Variants in ZDHHC7 observed in about 807,000 individuals in gnomAD.
ZDHHC7 encodes palmitoyltransferase ZDHHC7.
A neutral mutation model predicts 34.1 loss-of-function variants in ZDHHC7; 12 were observed. That is an observed-to-expected ratio of 0.35 (90% CI 0.23 to 0.57). The LOEUF is 0.57. ZDHHC7 is among the 20% of genes least tolerant of loss of function. ZDHHC7 has a pLI of 0.84. For missense variants in ZDHHC7, 388 were observed against 402.7 expected (o/e 0.96, Z 0.31); for synonymous variants, 185 against 155.4 (o/e 1.19, Z -1.42).
intron 1 of ZDHHC7, among the ~76,000 whole-genome samples, chr16:84,997,025 C>CAAA (rs11314476): frequency 6.5e-5 from 7 of 107,676 alleles, no homozygotes; most frequent in African/African-American, 1.8e-4. Flanking sequence ...GACTCTGTCT[C>CAAA]AAAAAAAAAA....
upstream of ZDHHC7, among the ~76,000 whole-genome samples, chr16:85,011,983 CCT>C (rs199629355): frequency 3.9e-3 from 588 of 152,322 alleles, 5 homozygotes; most frequent in African/African-American, 0.013. Flanking sequence ...AGGCCTGACT[CCT>C]GAGGTCCGCG....
intron 3 of ZDHHC7, among the ~76,000 whole-genome samples, chr16:84,987,885 G>A (rs759987777): frequency 1.6e-4 from 24 of 152,222 alleles, no homozygotes; most frequent in South Asian, 2.1e-4. Flanking sequence ...CTCAACAGGC[G>A]GCCAGGCGCA....
chr16:84,981,760 G>A, intron 4 of ZDHHC7, 110 bp downstream of exon 4: 2 of 1,581,992 alleles, frequency 1.3e-6, no homozygotes, highest in Non-Finnish European at 1.7e-6. Flanking sequence ...ACGTTGCCCA[G>A]ATGCTCGGGG....
intron 1 of ZDHHC7, among the ~76,000 whole-genome samples, chr16:85,001,206 C>T (rs2072648240): frequency 1.3e-5 from 2 of 152,120 alleles, no homozygotes; most frequent in Admixed American, 1.3e-4. Flanking sequence ...CGCGGTGCCT[C>T]ATGCCCGTAA....
Position 84,976,500 on chromosome 16 carries a change from C to G in ZDHHC7, c.770G>C (p.Ser257Thr). Residue 257 changes from serine to threonine, a missense_variant, in exon 8 of 8, where the codon AGT (serine) becomes ACT (threonine). Ser to Thr is a moderately conservative substitution (Grantham distance 58, BLOSUM62 1). Coordinates refer to ENST00000313732, the MANE Select transcript of ZDHHC7 (RefSeq NM_017740.3). ...CCTCCGCTCCCATGTGGGCTTCTCA[C>G]TTTTCAATCGCTCGATCTCCTGGAA... ...NDETEIERLK[S>T]EKPTWERRLR... is the part of the protein sequence containing the mutation. 2 of 1,613,670 alleles carry G rather than the reference C, an allele frequency of 1.2e-6. No homozygotes were observed. Among genetic ancestry groups the G allele is most frequent in the Non-Finnish European group, 1.7e-6 (2 of 1,179,978 alleles).
At chr16:85,015,048 CTT>C (rs1337947721), upstream of ZDHHC7, among the ~76,000 whole-genome samples, 2 of 151,056 alleles carry the variant, frequency 1.3e-5, no homozygotes, top group South Asian at 2.1e-4. Context: ...GTTGTGGAGA[CTT>C]TGGTTTCATC....
intron 1 of ZDHHC7, among the ~76,000 whole-genome samples, chr16:85,006,635 G>T (rs2072720453): frequency 6.6e-6 from 1 of 152,108 alleles, no homozygotes; most frequent in South Asian, 2.1e-4. Context: ...AGCTACTCAG[G>T]AGGCTAAGGT....
At chr16:85,027,163 G>A in the ZDHHC7 span, among the ~76,000 whole-genome samples, 1 of 152,324 alleles carries the variant, frequency 6.6e-6, no homozygotes, top group African/African-American at 2.4e-5. Context: ...AAGATGCCCC[G>A]TTTTAAAAAG....
At chr16:85,016,704 C>T in the ZDHHC7 span, among the ~76,000 whole-genome samples, 5 of 151,662 alleles carry the variant, frequency 3.3e-5, no homozygotes, top group Non-Finnish European at 7.4e-5. Context: ...AAGCGATCCT[C>T]TCACCTCAGC....
chr16:85,004,656 A>G (rs1352032160), intron 1 of ZDHHC7, among the ~76,000 whole-genome samples: 1 of 150,844 alleles, frequency 6.6e-6, no homozygotes, highest in Non-Finnish European at 1.5e-5. Context: ...ATGGAATGTT[A>G]CTCATAGTAT....
the ZDHHC7 span, among the ~76,000 whole-genome samples, chr16:85,020,142 C>T: frequency 6.6e-6 from 1 of 152,216 alleles, no homozygotes; most frequent in South Asian, 2.1e-4. Flanking sequence ...CCAGCCTCCT[C>T]GAGGGCTTGC....
At chr16:85,016,915 T>C in the ZDHHC7 span, among the ~76,000 whole-genome samples, 1 of 151,740 alleles carries the variant, frequency 6.6e-6, no homozygotes, top group African/African-American at 2.4e-5. Flanking sequence ...ATCTCTAAAA[T>C]ATGAGATTAG....
chr16:85,018,695 C>A, the ZDHHC7 span, among the ~76,000 whole-genome samples: 1 of 152,048 alleles, frequency 6.6e-6, no homozygotes, highest in African/African-American at 2.4e-5. Flanking sequence ...GGTGATCCGC[C>A]CACCTTGGCC....
At chr16:84,997,337 C>T (rs1262975624) in intron 1 of ZDHHC7, among the ~76,000 whole-genome samples, 3 of 142,536 alleles carry the variant, frequency 2.1e-5, no homozygotes, top group Admixed American at 7.2e-5. Flanking sequence ...GGCGCAGTCT[C>T]GGCTCACTGC....
At chr16:84,982,389 TA>T (rs35406399) in intron 3 of ZDHHC7, among the ~76,000 whole-genome samples, 4,592 of 151,320 alleles carry the variant, frequency 0.03, 88 homozygotes, top group Middle Eastern at 0.048. Flanking sequence ...ATCAAACAAT[TA>T]AAAAAAACTA....
At chr16:85,020,962 A>T in the ZDHHC7 span, among the ~76,000 whole-genome samples, 1 of 152,178 alleles carries the variant, frequency 6.6e-6, no homozygotes, top group South Asian at 2.1e-4. Flanking sequence ...AAAATTAGCC[A>T]GTTAAGGTGG....
At chr16:85,000,751 C>T (rs1369021972) in intron 1 of ZDHHC7, among the ~76,000 whole-genome samples, 1 of 152,176 alleles carries the variant, frequency 6.6e-6, no homozygotes, top group Non-Finnish European at 1.5e-5. Context: ...GGTGAGCATC[C>T]AAGCACGTAC....
intron 1 of ZDHHC7, among the ~76,000 whole-genome samples, chr16:84,999,687 A>G (rs1365902658): frequency 6.6e-6 from 1 of 152,210 alleles, no homozygotes; most frequent in Non-Finnish European, 1.5e-5. Context: ...AGAAATCAGA[A>G]TAAGGATTTG....
the ZDHHC7 span, among the ~76,000 whole-genome samples, chr16:85,019,427 A>G: frequency 5.9e-5 from 9 of 152,106 alleles, no homozygotes; most frequent in Non-Finnish European, 1.0e-4. Context: ...AAAAAGAAGT[A>G]GTCATCTGGC....
Sources: allele counts gnomAD v4.1 joint callset (sites outside exome capture counted in the v4.1 genomes callset), GRCh38; gene constraint gnomAD v4.1.1; transcripts MANE v1.5; gene names NCBI Gene and HGNC (gene_info 2026-07-23, HGNC 2026-07-21).